The following DLGAP1 variants were observed in gnomAD, a reference collection of about 807,000 sequenced individuals.
DLGAP1 encodes the protein DLG associated protein 1.
In DLGAP1, 11 loss-of-function variants were observed where a neutral mutation model predicts 90.8. The ratio of observed to expected loss-of-function variants is 0.12; its 90% CI spans 0.08 to 0.20. The LOEUF is 0.20. Ranked by LOEUF, DLGAP1 falls within the 10% of genes least tolerant of loss-of-function variation. The pLI, the probability that DLGAP1 is intolerant of heterozygous loss-of-function variation, is 1.00. For missense variants in DLGAP1, 1,050 were observed against 1,333.8 expected (o/e 0.79, Z 3.31); for synonymous variants, 558 against 540.7 (o/e 1.03, Z -0.44).
Position 4,455,110 on chromosome 18 carries a change from A to C in DLGAP1, c.-371T>G, listed in dbSNP as rs1160834026. On this transcript the variant is annotated 5_prime_UTR_variant, in exon 1 of 13. Coordinates refer to ENST00000315677, the MANE Select transcript of DLGAP1 (RefSeq NM_004746.4). Reference sequence around the variant, plus strand: ...GTCCCCGCGACCAGGACCGGCTCTCAGCGAGGTGACGGGAAGGACTCGAGA... The same window carrying C: ...GTCCCCGCGACCAGGACCGGCTCTCCGCGAGGTGACGGGAAGGACTCGAGA... The C allele has an allele frequency of 6.6e-6, 1 of 151,862 alleles. No homozygotes were observed. The highest frequency in any genetic ancestry group is 2.4e-5 in the African/African-American group (1 of 41,380). 9.4% of individuals were successfully genotyped at this position (151,862 alleles called of 1,614,324 possible).
intron 2 of DLGAP1, among the ~76,000 whole-genome samples, chr18:4,112,023 GTTAT>G (rs1480901099): frequency 1.3e-5 from 2 of 151,322 alleles, no homozygotes; most frequent in South Asian, 2.1e-4. Context: ...ATGGAAGATG[GTTAT>G]TTATTTGAGA....
chr18:4,066,885 T>C (rs922991816), intron 2 of DLGAP1, among the ~76,000 whole-genome samples: 1 of 152,136 alleles, frequency 6.6e-6, no homozygotes, highest in Admixed American at 6.5e-5. Context: ...TGAATGTTCA[T>C]TGCAGCACTA....
intron 9 of DLGAP1, among the ~76,000 whole-genome samples, chr18:3,550,524 C>A (rs7231654): frequency 0.31 from 46,789 of 151,944 alleles, 8,107 homozygotes; most frequent in African/African-American, 0.46. Flanking sequence ...CTGCACCTGG[C>A]CTTAGGGCCT....
intron 2 of DLGAP1, among the ~76,000 whole-genome samples, chr18:4,015,778 G>C (rs924800771): frequency 6.6e-6 from 1 of 152,102 alleles, no homozygotes; most frequent in African/African-American, 2.4e-5. Flanking sequence ...AGGAATATCA[G>C]CTTAATGTCA....
At chr18:3,606,004 T>C (rs2057308522) in intron 7 of DLGAP1, among the ~76,000 whole-genome samples, 1 of 152,062 alleles carries the variant, frequency 6.6e-6, no homozygotes, top group Non-Finnish European at 1.5e-5. Flanking sequence ...CCTAGGCAGG[T>C]CGGGACATTA....
chr18:4,343,351 C>T (rs2081239509), intron 1 of DLGAP1, among the ~76,000 whole-genome samples: 1 of 150,868 alleles, frequency 6.6e-6, no homozygotes, highest in East Asian at 1.9e-4. Context: ...AGGTTCTAAG[C>T]ATGCAGAACC....
In DLGAP1 at chr18:4,383,014, G is replaced by A. The variant is rs2082161179; in HGVS notation, c.-267+71992C>T. ...TCAGTAACTGTATTTAGAATTCACA[G>A]AGGATAACCAGCCATGTCTTTCCAT... On this transcript the variant is annotated intron_variant, in intron 1 of 12. Transcript: ENST00000315677. This position sits in a 1 kb window ranked among gnomAD's most constrained non-coding sequence, Gnocchi z 4.0. Among the ~76,000 whole-genome samples, 1 of 152,114 alleles carries A rather than the reference G, an allele frequency of 6.6e-6. No individual in the cohort carries two copies. Among genetic ancestry groups the A allele is most frequent in the African/African-American group, 2.4e-5 (1 of 41,402 alleles).
At chr18:3,847,199 AAAG>A (rs1459576376) in intron 4 of DLGAP1, among the ~76,000 whole-genome samples, 1 of 152,194 alleles carries the variant, frequency 6.6e-6, no homozygotes, top group Admixed American at 6.5e-5. Flanking sequence ...TTTCTGAAAA[AAAG>A]AGATGTTATA....
At chr18:4,301,513 A>G (rs957832176) in intron 1 of DLGAP1, among the ~76,000 whole-genome samples, 1 of 152,200 alleles carries the variant, frequency 6.6e-6, no homozygotes, top group African/African-American at 2.4e-5. Context: ...GTTTGTATAT[A>G]TATATCACAA....
intron 5 of DLGAP1, among the ~76,000 whole-genome samples, chr18:3,809,300 G>A (rs2066714590): frequency 1.3e-5 from 2 of 152,186 alleles, no homozygotes; most frequent in Non-Finnish European, 2.9e-5. Flanking sequence ...TCTCATTTAC[G>A]AGGAGGTTCA....
At chr18:4,183,551 T>C (rs990205597) in intron 1 of DLGAP1, among the ~76,000 whole-genome samples, 21 of 152,154 alleles carry the variant, frequency 1.4e-4, no homozygotes, top group African/African-American at 4.8e-4. Flanking sequence ...TCTTAAACTT[T>C]TGACCTTGTT....
chr18:4,210,728 A>C (rs1452451992), intron 1 of DLGAP1, among the ~76,000 whole-genome samples: 1 of 152,190 alleles, frequency 6.6e-6, no homozygotes, highest in Non-Finnish European at 1.5e-5. Context: ...CTATATAAAA[A>C]CCAAAATTTA....
chr18:4,084,507 C>T lies in DLGAP1; in HGVS notation c.-159+66673G>A, dbSNP rs1214407704. ...TTCTCCTACCCCTTTCTCTTTCTCT[C>T]CTATGACCCTCGTGTGAAAGGTGTC... On this transcript the variant is annotated intron_variant, in intron 2 of 12. Transcript: ENST00000315677. This position sits in a 1 kb window ranked among gnomAD's most constrained non-coding sequence, Gnocchi z 4.0. 6.6e-6 allele frequency among the ~76,000 whole-genome samples: 1 copy of T among 152,140 alleles called. No homozygotes were observed. Among genetic ancestry groups the T allele is most frequent in the Non-Finnish European group, 1.5e-5 (1 of 68,024 alleles).
chr18:4,213,228 C>T (rs184297953), intron 1 of DLGAP1, among the ~76,000 whole-genome samples: 23 of 152,082 alleles, frequency 1.5e-4, no homozygotes, highest in African/African-American at 5.1e-4. Context: ...ACTCTGAGGG[C>T]GAAGAGAACC....
At chr18:4,054,588 G>C (rs1373397913) in intron 2 of DLGAP1, among the ~76,000 whole-genome samples, 1 of 152,182 alleles carries the variant, frequency 6.6e-6, no homozygotes, top group African/African-American at 2.4e-5. Context: ...GGTGAATTTA[G>C]TGAATGGAAA....
chr18:3,941,421 A>G (rs4798151), intron 3 of DLGAP1, among the ~76,000 whole-genome samples: 152,272 of 152,302 alleles, frequency 1, 76,122 homozygotes, highest in Non-Finnish European at 1. Context: ...GTTCACGAGA[A>G]TGTTGGAAAC....
intron 5 of DLGAP1, among the ~76,000 whole-genome samples, chr18:3,783,735 C>T (rs185574170): frequency 5.1e-4 from 77 of 152,220 alleles, no homozygotes; most frequent in Non-Finnish European, 6.8e-4. Context: ...ACCATTGCAT[C>T]GTACACTTAA....
At chr18:3,854,259 G>A (rs1412537548) in intron 4 of DLGAP1, among the ~76,000 whole-genome samples, 1 of 152,146 alleles carries the variant, frequency 6.6e-6, no homozygotes, top group Admixed American at 6.6e-5. Flanking sequence ...AGTCTCTAGC[G>A]AGAAGCAGAG....
At chr18:3,712,837 C>T (rs1255906168) in intron 7 of DLGAP1, among the ~76,000 whole-genome samples, 8 of 152,236 alleles carry the variant, frequency 5.3e-5, no homozygotes, top group African/African-American at 7.2e-5. Context: ...GCAAGTGCAC[C>T]GAAAAGATAG....
Sources: allele counts gnomAD v4.1 joint callset (sites outside exome capture counted in the v4.1 genomes callset), GRCh38; gene constraint gnomAD v4.1.1; non-coding constraint Gnocchi (gnomAD v3.1); transcripts MANE v1.5; gene names NCBI Gene and HGNC (gene_info 2026-07-23, HGNC 2026-07-21).